Variants in ARHGEF11 observed in about 807,000 individuals in gnomAD.
The protein encoded by ARHGEF11 is Rho guanine exchange factor (GEF) 11.
A neutral mutation model predicts 193.7 loss-of-function variants in ARHGEF11; 55 were observed. That is an observed-to-expected ratio of 0.28 (90% CI 0.23 to 0.36). The LOEUF is 0.36. Ranked by LOEUF, ARHGEF11 falls within the 10% of genes least tolerant of loss-of-function variation. The pLI is 1.00. For synonymous variants in ARHGEF11, 693 were observed against 768.0 expected, an observed-to-expected ratio of 0.90 and a Z score of 1.62; for missense variants, 1,723 against 2,005.6, an observed-to-expected ratio of 0.86 and a Z score of 2.69.
At position 156,956,557 on chromosome 1, in the gene ARHGEF11, T is replaced by C. The variant is rs751899937; in HGVS notation, c.1534A>G (p.Met512Val). 6.2e-7 allele frequency: 1 copy of C among 1,614,126 alleles called. No individual in the cohort carries two copies. Among genetic ancestry groups the C allele is most frequent in the Non-Finnish European group, 8.5e-7 (1 of 1,179,994 alleles). The stretch of plus-strand genomic sequence containing the variant: ...ATGTAGGTATTGAGGGCGAAGTCCA[T>C]GGGGGCGCTGTAAAAGAGGAACAGT... ...SKYEEDRSAP[M>V]DFALNTYMSH... The change falls in exon 19 of 41, where the codon ATG becomes GTG. Residue 512 changes from methionine to valine, a missense_variant. This residue lies in a region of ARHGEF11 where 646 missense variants were observed against 710.7 expected (regional missense o/e 0.91). Transcript: ENST00000368194.
At chr1:157,022,165 A>T (rs1191563287) in intron 1 of ARHGEF11, among the ~76,000 whole-genome samples, 1 of 152,244 alleles carries the variant, frequency 6.6e-6, no homozygotes, top group African/African-American at 2.4e-5. Flanking sequence ...TCTGTGCAAC[A>T]ATGTGCTGAG....
At chr1:156,990,973 T>C (rs2102541831) in intron 1 of ARHGEF11, among the ~76,000 whole-genome samples, 1 of 152,366 alleles carries the variant, frequency 6.6e-6, no homozygotes, top group South Asian at 2.1e-4. Flanking sequence ...TTCCAGGCCC[T>C]TTTAATGGAC....
intron 1 of ARHGEF11, among the ~76,000 whole-genome samples, chr1:156,995,378 G>A (rs1461610894): frequency 6.6e-6 from 1 of 151,988 alleles, no homozygotes; most frequent in African/African-American, 2.4e-5. Context: ...CAACCTCAGG[G>A]GCTTTCTCTC....
At chr1:156,954,523 G>T (rs1356264556) in intron 21 of ARHGEF11, among the ~76,000 whole-genome samples, 1 of 151,680 alleles carries the variant, frequency 6.6e-6, no homozygotes, top group Admixed American at 6.6e-5. Flanking sequence ...AGATGTGACT[G>T]AATTATAGAG....
chr1:156,990,593 A>G (rs1571387092), intron 1 of ARHGEF11, among the ~76,000 whole-genome samples: 2 of 152,346 alleles, frequency 1.3e-5, no homozygotes, highest in Middle Eastern at 6.8e-3. Context: ...TTAGCCAGTA[A>G]GCTTTTATAA....
intron 1 of ARHGEF11, among the ~76,000 whole-genome samples, chr1:157,043,937 C>G (rs1241513964): frequency 2.6e-5 from 4 of 152,192 alleles, no homozygotes; most frequent in Non-Finnish European, 5.9e-5. Flanking sequence ...AAAGCCAGTC[C>G]CCCTAGTGCA....
intron 1 of ARHGEF11, among the ~76,000 whole-genome samples, chr1:157,003,294 TAG>T (rs1257197608): frequency 2.0e-5 from 3 of 152,240 alleles, no homozygotes; most frequent in African/African-American, 7.2e-5. Flanking sequence ...GCACTCTGTC[TAG>T]AGAGAGTCCT....
chr1:157,014,142 A>G (rs996374156), intron 1 of ARHGEF11, among the ~76,000 whole-genome samples: 3 of 152,122 alleles, frequency 2.0e-5, no homozygotes, highest in African/African-American at 7.2e-5. Context: ...AAAACTTTAC[A>G]GCTCTCCTCA....
chr1:157,038,358 G>T (rs995496640), intron 1 of ARHGEF11, among the ~76,000 whole-genome samples: 1 of 152,162 alleles, frequency 6.6e-6, no homozygotes, highest in Non-Finnish European at 1.5e-5. Context: ...ACATATTCAT[G>T]TCTTAGTTTG....
rs1374325427 is a variant in ARHGEF11 at position 156,948,097 on chromosome 1, A to C, written c.2153+84T>G. The stretch of plus-strand genomic sequence containing the variant: ...CAGAAGAGGAGACAGCCACCCAACC[A>C]GCCCCTTGCAGGTGAGAGGAGCAGC... On this transcript the variant is annotated intron_variant, in intron 24 of 40. Coordinates refer to ENST00000368194, the MANE Select transcript of ARHGEF11 (RefSeq NM_198236.3). The surrounding 1 kb of genome is among the most constrained non-coding windows in gnomAD (Gnocchi z 4.2). 7.8e-6 allele frequency: 12 copies of C among 1,537,280 alleles called. No homozygotes were observed. Among genetic ancestry groups the C allele is most frequent in the Admixed American group, 1.9e-5 (1 of 52,984 alleles).
At chr1:156,937,706 C>G (rs1314650175) in intron 38 of ARHGEF11, among the ~76,000 whole-genome samples, 1 of 152,188 alleles carries the variant, frequency 6.6e-6, no homozygotes, top group African/African-American at 2.4e-5. Context: ...CTCAGTCTGG[C>G]CCCAAGCTGG....
intron 1 of ARHGEF11, among the ~76,000 whole-genome samples, chr1:157,036,023 A>ATATATAGGAATATATATATGAATC (rs1196129314): frequency 1.6e-5 from 2 of 128,044 alleles, no homozygotes; most frequent in African/African-American, 5.8e-5. Context: ...ATATGAATCT[A>ATATATAGGAATATATATATGAATC]TATATAGGAA....
Position 156,958,838 on chromosome 1 carries a change from C to G in ARHGEF11, c.1406G>C (p.Ser469Thr), listed in dbSNP as rs1338929406. 4 of 1,614,124 alleles carry G rather than the reference C, an allele frequency of 2.5e-6. No homozygotes were observed. The African/African-American group carries it at 5.3e-5, about 22-fold the overall frequency. The change falls in exon 17 of 41, where the codon AGC becomes ACC. Residue 469 changes from serine to threonine, a missense_variant. Physicochemically the swap from Ser to Thr is moderately conservative, Grantham distance 58. Transcript: ENST00000368194. ...CAGCAGGTCATTTTCACCATACAGG[C>G]TGCCCAGCCCCAGTGTGCGCTTCGT... is the stretch of plus-strand genomic sequence containing the variant. ...YRTKRTLGLG[S>T]LYGENDLLDL...
In ARHGEF11 at chr1:156,946,067, C is replaced by A; in HGVS notation, c.2790G>T (p.Glu930Asp). The A allele has an allele frequency of 6.2e-7, 1 of 1,613,616 alleles. No homozygotes were observed. Among genetic ancestry groups the A allele is most frequent in the Non-Finnish European group, 8.5e-7 (1 of 1,179,880 alleles). The change falls in exon 29 of 41, where the codon GAG becomes GAT. Residue 930 changes from glutamate to aspartate, a missense_variant. This residue lies in a region of ARHGEF11 where 491 missense variants were observed against 654.5 expected (regional missense o/e 0.75). Transcript: ENST00000368194. ...TACCCTCTGTGTGCTTGATGATGCT[C>A]TCCAGCAGCAGCGGGTACTTGGTGA... ...QRLTKYPLLL[E>D]SIIKHTEGGT...
chr1:157,002,949 G>T (rs1667382825), intron 1 of ARHGEF11, among the ~76,000 whole-genome samples: 1 of 152,202 alleles, frequency 6.6e-6, no homozygotes, highest in South Asian at 2.1e-4. Flanking sequence ...ATAATAGAGA[G>T]AATTCATAAG....
intron 1 of ARHGEF11, among the ~76,000 whole-genome samples, chr1:156,996,259 C>T (rs930310222): frequency 3.9e-5 from 6 of 152,140 alleles, no homozygotes; most frequent in Non-Finnish European, 7.4e-5. Context: ...GAAGCATCAA[C>T]TAAATAAGAA....
intron 37 of ARHGEF11, chr1:156,939,131 G>A (rs746009161): frequency 1.6e-5 from 4 of 244,482 alleles, no homozygotes; most frequent in Admixed American, 5.4e-5. Flanking sequence ...GTTGCCTGGC[G>A]TGAGGGGCTG....
At chr1:156,950,797 CCCACA>C (rs1658972375) in intron 22 of ARHGEF11, among the ~76,000 whole-genome samples, 1 of 152,178 alleles carries the variant, frequency 6.6e-6, no homozygotes, top group South Asian at 2.1e-4. Flanking sequence ...ATTATTTCCC[CCCACA>C]CAAGACCATA....
At chr1:156,940,449 T>A (rs1490378664) in intron 35 of ARHGEF11, 24 bp from the exon 36 acceptor site, 2 of 1,581,300 alleles carry the variant, frequency 1.3e-6, no homozygotes, top group Non-Finnish European at 1.7e-6. Context: ...GAGAAGATTG[T>A]AAGGCAGGGA....
Sources: allele counts gnomAD v4.1 joint callset (sites outside exome capture counted in the v4.1 genomes callset), GRCh38; gene constraint gnomAD v4.1.1; regional missense constraint gnomAD v4.1.1; non-coding constraint Gnocchi (gnomAD v3.1); transcripts MANE v1.5; gene names NCBI Gene and HGNC (gene_info 2026-07-23, HGNC 2026-07-21).